HS3ST4: variants seen among roughly 807,000 people sequenced by gnomAD.
The protein encoded by HS3ST4 is heparan sulfate-glucosamine 3-sulfotransferase 4.
Under a neutral mutation model 29.2 loss-of-function variants are expected in HS3ST4, and 17 were observed. The ratio of observed to expected loss-of-function variants is 0.58; its 90% CI spans 0.40 to 0.87. The LOEUF (loss-of-function observed/expected upper bound fraction) is 0.87, where lower values mean the gene tolerates loss of function less well. HS3ST4 is among the 40% of genes least tolerant of loss of function. HS3ST4 has a pLI of 0.00. For synonymous variants in HS3ST4, 314 were observed against 285.7 expected (o/e 1.10, Z -1.00); for missense variants, 627 against 634.5 (o/e 0.99, Z 0.13).
At chr16:25,929,021 G>A (rs1416566131) in intron 1 of HS3ST4, among the ~76,000 whole-genome samples, 1 of 152,124 alleles carries the variant, frequency 6.6e-6, no homozygotes, top group Non-Finnish European at 1.5e-5. Context: ...TAGGAAACAC[G>A]TGTAGAAAAA....
At chr16:26,121,448 C>T (rs767950053) in intron 1 of HS3ST4, among the ~76,000 whole-genome samples, 4 of 152,184 alleles carry the variant, frequency 2.6e-5, no homozygotes, top group Non-Finnish European at 5.9e-5. Flanking sequence ...GTCTTTATTG[C>T]TCTGAGGCTC....
chr16:25,856,840 T>C (rs1336523535), intron 1 of HS3ST4, among the ~76,000 whole-genome samples: 2 of 152,072 alleles, frequency 1.3e-5, no homozygotes, highest in Non-Finnish European at 2.9e-5. Context: ...AATAAACTAG[T>C]AATATTAAGT....
chr16:25,903,928 G>T (rs1203677946), intron 1 of HS3ST4, among the ~76,000 whole-genome samples: 1 of 152,166 alleles, frequency 6.6e-6, no homozygotes, highest in Non-Finnish European at 1.5e-5. Flanking sequence ...CACCTAAATA[G>T]TTCACCTAAA....
At chr16:25,982,051 GAC>G (rs993384142) in intron 1 of HS3ST4, among the ~76,000 whole-genome samples, 2 of 149,534 alleles carry the variant, frequency 1.3e-5, no homozygotes, top group African/African-American at 5.1e-5. Flanking sequence ...CACACACACA[GAC>G]ACACACATAT....
intron 1 of HS3ST4, among the ~76,000 whole-genome samples, chr16:25,801,379 C>T (rs1301148258): frequency 1.3e-5 from 2 of 152,172 alleles, no homozygotes; most frequent in Admixed American, 6.6e-5. Context: ...TGCATCAAAA[C>T]ATTCTTGCTC....
intron 1 of HS3ST4, among the ~76,000 whole-genome samples, chr16:25,899,653 A>G (rs558987278): frequency 1.3e-5 from 2 of 150,184 alleles, no homozygotes; most frequent in South Asian, 2.1e-4. Flanking sequence ...TTACAGGCGC[A>G]TGCCACCACG....
chr16:26,003,594 G>C (rs1969231086), intron 1 of HS3ST4, among the ~76,000 whole-genome samples: 1 of 152,176 alleles, frequency 6.6e-6, no homozygotes. Context: ...TATGTCTTTT[G>C]CCTAATATTT....
intron 1 of HS3ST4, among the ~76,000 whole-genome samples, chr16:25,857,751 C>A (rs1012972776): frequency 6.6e-6 from 1 of 152,088 alleles, no homozygotes; most frequent in South Asian, 2.1e-4. Flanking sequence ...ATATAACACA[C>A]ACATATACGT....
chr16:25,787,272 G>GT (rs1347147125), intron 1 of HS3ST4, among the ~76,000 whole-genome samples: 6 of 152,346 alleles, frequency 3.9e-5, no homozygotes, highest in African/African-American at 1.4e-4. Flanking sequence ...TAGCAACAGT[G>GT]TAAGTATTGC....
intron 1 of HS3ST4, among the ~76,000 whole-genome samples, chr16:26,056,277 T>C (rs764794479): frequency 6.6e-6 from 1 of 152,118 alleles, no homozygotes; most frequent in Non-Finnish European, 1.5e-5. Flanking sequence ...GCAGACCAGG[T>C]TGGAAGTTTT....
At chr16:25,837,487 TAAG>T (rs2141642738) in intron 1 of HS3ST4, among the ~76,000 whole-genome samples, 1 of 152,316 alleles carries the variant, frequency 6.6e-6, no homozygotes, top group East Asian at 1.9e-4. Context: ...GAGCAGAGAA[TAAG>T]AACGCTTTCT....
intron 1 of HS3ST4, among the ~76,000 whole-genome samples, chr16:25,859,169 C>G (rs1210535560): frequency 6.6e-6 from 1 of 152,114 alleles, no homozygotes; most frequent in Non-Finnish European, 1.5e-5. Flanking sequence ...CTCTGTATTT[C>G]TAATGGACTA....
chr16:25,846,124 G>C (rs1967463981), intron 1 of HS3ST4, among the ~76,000 whole-genome samples: 1 of 152,166 alleles, frequency 6.6e-6, no homozygotes, highest in Non-Finnish European at 1.5e-5. Context: ...CTCTTTCTTG[G>C]CTTTTTCCTC....
chr16:25,933,695 G>A (rs1968487394), intron 1 of HS3ST4, among the ~76,000 whole-genome samples: 1 of 152,184 alleles, frequency 6.6e-6, no homozygotes, highest in Non-Finnish European at 1.5e-5. Context: ...TGCTCGTGAT[G>A]CATGGTGCTG....
intron 1 of HS3ST4, among the ~76,000 whole-genome samples, chr16:25,844,902 A>G (rs1021617273): frequency 4.6e-5 from 7 of 152,204 alleles, no homozygotes; most frequent in African/African-American, 1.7e-4. Context: ...TTTGCAGGAC[A>G]TGGATGAAGG....
intron 1 of HS3ST4, among the ~76,000 whole-genome samples, chr16:25,786,458 A>C (rs902268187): frequency 6.6e-6 from 1 of 152,234 alleles, no homozygotes; most frequent in Non-Finnish European, 1.5e-5. Context: ...GTAAGTACTC[A>C]ATCAGGTTAC....
chr16:25,741,810 G>A (rs34600859), intron 1 of HS3ST4, among the ~76,000 whole-genome samples: 48,746 of 151,928 alleles, frequency 0.32, 8,417 homozygotes, highest in East Asian at 0.63. Flanking sequence ...AGGACACCAA[G>A]GCTCAGAGGG....
chr16:25,818,030 G>C (rs540334813), intron 1 of HS3ST4, among the ~76,000 whole-genome samples: 20 of 152,360 alleles, frequency 1.3e-4, no homozygotes, highest in East Asian at 7.7e-4. Context: ...CGGCAAGCCA[G>C]CCTACTTCTT....
chr16:25,928,581 G>A (rs978992696), intron 1 of HS3ST4, among the ~76,000 whole-genome samples: 2 of 152,146 alleles, frequency 1.3e-5, no homozygotes, highest in African/African-American at 2.4e-5. Flanking sequence ...TTCCAAGATA[G>A]AGTACTGTCA....
Sources: allele counts gnomAD v4.1 joint callset (sites outside exome capture counted in the v4.1 genomes callset), GRCh38; gene constraint gnomAD v4.1.1; transcripts MANE v1.5; gene names NCBI Gene and HGNC (gene_info 2026-07-23, HGNC 2026-07-21).